Variants in BCAS3 observed in about 807,000 individuals in gnomAD.
The protein encoded by BCAS3 is BCAS4/BCAS3 fusion.
A neutral mutation model predicts 116.1 loss-of-function variants in BCAS3; 53 were observed. The observed-to-expected ratio is 0.46, with a 90% CI of 0.37 to 0.57. The LOEUF is 0.57. BCAS3 is among the 20% of genes least tolerant of loss of function. BCAS3 has a pLI of 0.00. For synonymous variants in BCAS3, 391 were observed against 408.2 expected (o/e 0.96, Z 0.51); for missense variants, 917 against 1,165.4 (o/e 0.79, Z 3.10).
chr17:60,849,351 C>T (rs1239883441), intron 7 of BCAS3, among the ~76,000 whole-genome samples: 1 of 150,552 alleles, frequency 6.6e-6, no homozygotes, highest in African/African-American at 2.4e-5. Context: ...GGAAAATGTA[C>T]TGTACTTCAC....
At chr17:61,360,890 A>C (rs185149367) in intron 22 of BCAS3, among the ~76,000 whole-genome samples, 1 of 152,244 alleles carries the variant, frequency 6.6e-6, no homozygotes, top group Non-Finnish European at 1.5e-5. Flanking sequence ...TGAGAAAGTA[A>C]CAAGAGCTGG....
intron 22 of BCAS3, among the ~76,000 whole-genome samples, chr17:61,292,405 C>A (rs1408236870): frequency 6.6e-6 from 1 of 152,114 alleles, no homozygotes; most frequent in Non-Finnish European, 1.5e-5. Context: ...AATCCTAGCA[C>A]TTTGGGAGGC....
chr17:60,791,541 C>G (rs959405719), intron 6 of BCAS3, among the ~76,000 whole-genome samples: 7 of 151,990 alleles, frequency 4.6e-5, no homozygotes, highest in African/African-American at 1.4e-4. Context: ...GTAGTACTAG[C>G]TGACTGGGAG....
chr17:60,937,991 A>T (rs903390856), intron 13 of BCAS3, among the ~76,000 whole-genome samples: 1 of 151,814 alleles, frequency 6.6e-6, no homozygotes, highest in East Asian at 1.9e-4. Context: ...ATTTATCCTT[A>T]GACTTTTCCA....
At chr17:61,172,146 A>G (rs1735167967) in intron 22 of BCAS3, among the ~76,000 whole-genome samples, 3 of 152,246 alleles carry the variant, frequency 2.0e-5, no homozygotes, top group Admixed American at 2.0e-4. Context: ...GGGTGAACAC[A>G]CAATTATAGT....
At chr17:60,700,034 C>T (rs1179700410) in intron 4 of BCAS3, among the ~76,000 whole-genome samples, 1 of 151,878 alleles carries the variant, frequency 6.6e-6, no homozygotes, top group Non-Finnish European at 1.5e-5. Flanking sequence ...AGTAGCCAGG[C>T]ATGGTGGCAC....
At chr17:61,003,402 CCCCTT>C (rs1159956840) in intron 15 of BCAS3, among the ~76,000 whole-genome samples, 33 of 125,750 alleles carry the variant, frequency 2.6e-4, no homozygotes, top group African/African-American at 1.0e-3. Context: ...CCCCTCCCCT[CCCCTT>C]CCCTTCCCTT....
rs1035090002 is a variant in BCAS3 at position 60,995,987 on chromosome 17, G to C, written c.1486+5752G>C. Among the ~76,000 whole-genome samples the C allele has an allele frequency of 6.6e-6, 1 of 152,198 alleles. No individual in the cohort carries two copies. Among genetic ancestry groups the C allele is most frequent in the Non-Finnish European group, 1.5e-5 (1 of 68,028 alleles). On this transcript the variant is annotated intron_variant, in intron 15 of 23. Transcript: ENST00000407086. This position sits in a 1 kb window ranked among gnomAD's most constrained non-coding sequence, Gnocchi z 4.7. ...TGGAAGTAAGAGAGAAATTCATATA[G>C]AACAGCCTGTGTAAAATCCTGAGGT...
chr17:60,913,083 A>T (rs2058601567), intron 12 of BCAS3, among the ~76,000 whole-genome samples: 1 of 152,068 alleles, frequency 6.6e-6, no homozygotes, highest in African/African-American at 2.4e-5. Context: ...GACCTTGAAA[A>T]AGGAAGTCTT....
intron 22 of BCAS3, among the ~76,000 whole-genome samples, chr17:61,154,549 A>G (rs562365173): frequency 1.3e-4 from 19 of 151,398 alleles, no homozygotes; most frequent in Non-Finnish European, 2.5e-4. Flanking sequence ...AGTTCTCCCA[A>G]CTCAGCCACC....
intron 22 of BCAS3, among the ~76,000 whole-genome samples, chr17:61,197,836 T>C (rs1000598026): frequency 3.3e-5 from 5 of 152,234 alleles, no homozygotes; most frequent in Admixed American, 3.3e-4. Flanking sequence ...CCCACTTTGT[T>C]CTGTGGCCCT....
intron 10 of BCAS3, among the ~76,000 whole-genome samples, chr17:60,898,352 C>T (rs1037092521): frequency 2.0e-5 from 3 of 152,206 alleles, no homozygotes; most frequent in Middle Eastern, 3.4e-3. Flanking sequence ...CATTTACTTT[C>T]GTAGAGGACT....
intron 14 of BCAS3, among the ~76,000 whole-genome samples, chr17:60,955,337 C>T (rs1049899959): frequency 1.3e-5 from 2 of 151,204 alleles, no homozygotes; most frequent in Non-Finnish European, 2.9e-5. Context: ...ATTTTGGTTT[C>T]ACTGATTGTC....
At chr17:61,174,979 A>G (rs926389647) in intron 22 of BCAS3, among the ~76,000 whole-genome samples, 1 of 152,160 alleles carries the variant, frequency 6.6e-6, no homozygotes, top group African/African-American at 2.4e-5. Flanking sequence ...CTCAGGAGAG[A>G]TGGTTTGACC....
intron 4 of BCAS3, among the ~76,000 whole-genome samples, chr17:60,697,570 G>A (rs2035760624): frequency 7.2e-6 from 1 of 138,608 alleles, no homozygotes; most frequent in Non-Finnish European, 1.5e-5. Context: ...GTGACAGAGT[G>A]AGACTCTGTC....
intron 22 of BCAS3, among the ~76,000 whole-genome samples, chr17:61,329,404 G>C (rs1233749049): frequency 1.4e-5 from 2 of 147,424 alleles, no homozygotes; most frequent in Admixed American, 6.8e-5. Context: ...GCAGTGGCGC[G>C]ATCTCGGCTC....
At position 60,747,191 on chromosome 17, in the gene BCAS3, T is replaced by C. The variant is rs1305142398; in HGVS notation, c.322-7T>C. The C allele has an allele frequency of 4.4e-6, 7 of 1,599,270 alleles. No individual in the cohort carries two copies. The highest frequency in any genetic ancestry group is 1.3e-5 in the African/African-American group (1 of 74,604). On this transcript the variant is annotated splice_polypyrimidine_tract_variant and splice_region_variant and intron_variant, in intron 5 of 23. Coordinates refer to ENST00000407086, the MANE Select transcript of BCAS3 (RefSeq NM_017679.5). ...CACTGAAATATTTTCTTTCTTCTCTTATGCAGATCAGTGGTGAAGCACAAG... is the reference window on the plus strand; with the variant it reads ...CACTGAAATATTTTCTTTCTTCTCTCATGCAGATCAGTGGTGAAGCACAAG...
intron 6 of BCAS3, among the ~76,000 whole-genome samples, chr17:60,747,792 A>T (rs1051151710): frequency 1.3e-5 from 2 of 152,168 alleles, no homozygotes; most frequent in African/African-American, 4.8e-5. Flanking sequence ...CAGCTATGTC[A>T]GAAGTGGAGT....
chr17:61,327,034 G>A lies in BCAS3; in HGVS notation c.2426-41293G>A, dbSNP rs955587147. Among the ~76,000 whole-genome samples the A allele has an allele frequency of 2.6e-5, 4 of 152,230 alleles. No homozygotes were observed. The highest frequency in any genetic ancestry group is 7.2e-5 in the African/African-American group (3 of 41,526). On this transcript the variant is annotated intron_variant, in intron 22 of 23. Coordinates refer to ENST00000407086, the MANE Select transcript of BCAS3 (RefSeq NM_017679.5). The surrounding 1 kb of genome is among the most constrained non-coding windows in gnomAD (Gnocchi z 5.9). ...TTAAAAAACAAAACAGGCCGGGCGC[G>A]GTGGCTCACACCTGTAATCCCAGCA...
Sources: allele counts gnomAD v4.1 joint callset (sites outside exome capture counted in the v4.1 genomes callset), GRCh38; gene constraint gnomAD v4.1.1; non-coding constraint Gnocchi (gnomAD v3.1); transcripts MANE v1.5; gene names NCBI Gene and HGNC (gene_info 2026-07-23, HGNC 2026-07-21).